PSMA1: variants seen among roughly 807,000 people sequenced by gnomAD.
PSMA1 encodes proteasome subunit alpha type-1.
A neutral mutation model predicts 38.4 loss-of-function variants in PSMA1; 3 were observed. That is an observed-to-expected ratio of 0.08 (90% CI 0.04 to 0.20). PSMA1 has a LOEUF of 0.20. Ranked by LOEUF, PSMA1 falls within the 10% of genes least tolerant of loss-of-function variation. The probability of loss-of-function intolerance (pLI) is 1.00; values close to 1 mark genes in which losing one functional copy is unlikely to be tolerated. For synonymous variants in PSMA1, 101 were observed against 107.1 expected, an observed-to-expected ratio of 0.94 and a Z score of 0.35; for missense variants, 227 against 325.3, an observed-to-expected ratio of 0.70 and a Z score of 2.32.
chr11:14,622,296 T>G (rs1446293282), intron 1 of PSMA1, among the ~76,000 whole-genome samples: 1 of 152,200 alleles, frequency 6.6e-6, no homozygotes, highest in Non-Finnish European at 1.5e-5. Flanking sequence ...TTCACATTCC[T>G]GTGGGTTAGA....
intron 1 of PSMA1, among the ~76,000 whole-genome samples, chr11:14,632,503 C>G (rs548450088): frequency 1.2e-3 from 174 of 147,528 alleles, no homozygotes; most frequent in African/African-American, 4.1e-3. Flanking sequence ...CCCCCACTCT[C>G]TTCTGGCTTG....
intron 2 of PSMA1, among the ~76,000 whole-genome samples, chr11:14,608,351 TTA>T (rs958292314): frequency 7.4e-5 from 11 of 148,866 alleles, no homozygotes; most frequent in Admixed American, 1.3e-4. Flanking sequence ...CCTGTCTCTA[TTA>T]TATATATATA....
intron 2 of PSMA1, among the ~76,000 whole-genome samples, chr11:14,600,813 A>T (rs562248526): frequency 6.6e-6 from 1 of 152,282 alleles, no homozygotes; most frequent in Admixed American, 6.5e-5. Flanking sequence ...GAAATCACCC[A>T]TCTTCTGCGT....
intron 2 of PSMA1, among the ~76,000 whole-genome samples, chr11:14,548,898 T>A (rs894167039): frequency 1.3e-5 from 2 of 152,230 alleles, no homozygotes; most frequent in Non-Finnish European, 2.9e-5. Context: ...ATAAGATACT[T>A]GTTATAAATG....
chr11:14,521,327 AGAAT>A (rs747161010), upstream of PSMA1, among the ~76,000 whole-genome samples: 4,074 of 131,524 alleles, frequency 0.031, 87 homozygotes, highest in African/African-American at 0.057. Flanking sequence ...AATAAGAATA[AGAAT>A]AATAAAAAAA....
At chr11:14,531,742 G>A (rs1031722494) in intron 2 of PSMA1, among the ~76,000 whole-genome samples, 2 of 152,150 alleles carry the variant, frequency 1.3e-5, no homozygotes, top group Non-Finnish European at 2.9e-5. Flanking sequence ...TTACAGGAAT[G>A]AGCCACCAAG....
At chr11:14,540,264 T>G (rs996432533) in intron 2 of PSMA1, among the ~76,000 whole-genome samples, 1 of 152,202 alleles carries the variant, frequency 6.6e-6, no homozygotes, top group African/African-American at 2.4e-5. Context: ...TGATGAAAAC[T>G]GGAACTCTCC....
At chr11:14,515,630 T>C (rs1447897935) in intron 4 of PSMA1, among the ~76,000 whole-genome samples, 3 of 151,742 alleles carry the variant, frequency 2.0e-5, no homozygotes, top group Non-Finnish European at 4.4e-5. Flanking sequence ...CTCAGCTCAC[T>C]GCAACCTCTG....
intron 2 of PSMA1, among the ~76,000 whole-genome samples, chr11:14,530,824 C>G (rs1851639081): frequency 6.7e-6 from 1 of 148,658 alleles, no homozygotes; most frequent in Admixed American, 6.8e-5. Context: ...ACTGCTTGAA[C>G]CTGGGAGGTG....
intron 7 of PSMA1, among the ~76,000 whole-genome samples, chr11:14,512,235 G>A (rs753872167): frequency 7.9e-5 from 12 of 152,202 alleles, no homozygotes; most frequent in Middle Eastern, 3.4e-3. Context: ...TTAGCCAGGC[G>A]TGGTGGCGCA....
Position 14,518,981 on chromosome 11 carries a change from A to G in PSMA1, c.48+16T>C, listed in dbSNP as rs747660769. On this transcript the variant is annotated intron_variant, in intron 2 of 9. Coordinates refer to ENST00000396394, the MANE Select transcript of PSMA1 (RefSeq NM_002786.4). ...AAAAGCCACTTCACAGAAAAGGTTT[A>G]AAAACATTATTTTACCTGGGGGCTC... 5 of 1,566,924 alleles carry G rather than the reference A, an allele frequency of 3.2e-6. No homozygotes were observed.
intron 1 of PSMA1, among the ~76,000 whole-genome samples, chr11:14,619,804 T>A (rs943494498): frequency 1.3e-5 from 2 of 152,182 alleles, no homozygotes; most frequent in Non-Finnish European, 2.9e-5. Context: ...TTCTAGGTGA[T>A]GAGTACTGGG....
At chr11:14,564,591 CAT>C (rs774567274) in intron 2 of PSMA1, among the ~76,000 whole-genome samples, 6 of 152,100 alleles carry the variant, frequency 3.9e-5, no homozygotes, top group African/African-American at 4.8e-5. Context: ...ATGGTAGTCA[CAT>C]GTTTAGCTTT....
intron 9 of PSMA1, among the ~76,000 whole-genome samples, chr11:14,505,462 TA>T (rs1051560430): frequency 1.3e-5 from 2 of 151,978 alleles, no homozygotes; most frequent in Admixed American, 6.6e-5. Context: ...ATTTTTTATT[TA>T]AAAAAAATAC....
At chr11:14,626,060 T>G (rs1284160612) in intron 1 of PSMA1, among the ~76,000 whole-genome samples, 1 of 151,994 alleles carries the variant, frequency 6.6e-6, no homozygotes, top group Non-Finnish European at 1.5e-5. Flanking sequence ...TTATTTTTGC[T>G]AACTTAAAGA....
intron 2 of PSMA1, among the ~76,000 whole-genome samples, chr11:14,568,701 G>A (rs527526330): frequency 1.7e-4 from 26 of 152,346 alleles, no homozygotes; most frequent in Middle Eastern, 6.8e-3. Context: ...AAATTTATTT[G>A]TCTGTTTCAA....
chr11:14,643,438 G>A (rs1853247431), intron 1 of PSMA1: 1 of 152,076 alleles, frequency 6.6e-6, no homozygotes, highest in South Asian at 2.1e-4. Context: ...GATTCTGGCT[G>A]GGTGTCCGTG....
At chr11:14,506,090 C>G (rs1354008085) in intron 9 of PSMA1, among the ~76,000 whole-genome samples, 1 of 152,118 alleles carries the variant, frequency 6.6e-6, no homozygotes, top group Non-Finnish European at 1.5e-5. Context: ...CAGTCAACAG[C>G]AGGCTATCAG....
chr11:14,634,603 C>G (rs1853088153), intron 1 of PSMA1, among the ~76,000 whole-genome samples: 1 of 151,816 alleles, frequency 6.6e-6, no homozygotes, highest in African/African-American at 2.4e-5. Flanking sequence ...ACTCAGCCTT[C>G]TGAAGTGTGG....
Sources: gnomAD v4.1 joint callset for allele counts (sites outside exome capture counted in the v4.1 genomes callset) on GRCh38, gnomAD v4.1.1 for gene constraint, MANE v1.5 for transcripts, NCBI Gene and HGNC (gene_info 2026-07-23, HGNC 2026-07-21) for gene names.